Variants in LRBA observed in about 807,000 individuals in gnomAD.
The protein encoded by LRBA is LPS responsive beige-like anchor protein, also known as lipopolysaccharide-responsive and beige-like anchor protein.
Under a neutral mutation model 330.0 loss-of-function variants are expected in LRBA, and 176 were observed. The observed-to-expected ratio is 0.53, with a 90% CI of 0.47 to 0.60. LRBA has a LOEUF of 0.60. LRBA is among the 20% of genes least tolerant of loss of function. The pLI, the probability that LRBA is intolerant of heterozygous loss-of-function variation, is 0.00. For synonymous variants in LRBA, 1,230 were observed against 1,193.0 expected, an observed-to-expected ratio of 1.03 and a Z score of -0.64; for missense variants, 3,259 against 3,444.8, an observed-to-expected ratio of 0.95 and a Z score of 1.35.
intron 53 of LRBA, among the ~76,000 whole-genome samples, chr4:150,286,425 A>G (rs1480029177): frequency 6.6e-6 from 1 of 152,102 alleles, no homozygotes; most frequent in Non-Finnish European, 1.5e-5. Context: ...CTCCTTCCTC[A>G]TCCTTTGTGG....
intron 47 of LRBA, among the ~76,000 whole-genome samples, chr4:150,385,808 G>C (rs1742974721): frequency 6.6e-6 from 1 of 152,136 alleles, no homozygotes; most frequent in African/African-American, 2.4e-5. Context: ...AGAGTAAAAA[G>C]GAAGCATTAA....
At chr4:150,835,046 A>G (rs897239133) in intron 28 of LRBA, among the ~76,000 whole-genome samples, 1 of 152,166 alleles carries the variant, frequency 6.6e-6, no homozygotes, top group Non-Finnish European at 1.5e-5. Context: ...TCCCAGCACC[A>G]TTTATTAAAT....
At chr4:150,895,349 T>C (rs963182195) in intron 16 of LRBA, among the ~76,000 whole-genome samples, 1 of 152,108 alleles carries the variant, frequency 6.6e-6, no homozygotes, top group East Asian at 1.9e-4. Flanking sequence ...TTGTTACATA[T>C]GTATACATGT....
At chr4:150,326,082 C>T (rs978370275) in intron 48 of LRBA, among the ~76,000 whole-genome samples, 184 bp from the exon 49 acceptor site, 1 of 152,122 alleles carries the variant, frequency 6.6e-6, no homozygotes, top group Non-Finnish European at 1.5e-5. Context: ...CATTTAGAAC[C>T]GCAGAAGCTG....
intron 37 of LRBA, among the ~76,000 whole-genome samples, chr4:150,617,226 T>A (rs977493704): frequency 3.9e-5 from 6 of 152,212 alleles, no homozygotes; most frequent in Non-Finnish European, 8.8e-5. Context: ...ATATGAACTA[T>A]CTCAAAAAAC....
chr4:150,402,788 T>TCC (rs1745671882), intron 47 of LRBA, among the ~76,000 whole-genome samples: 2 of 142,638 alleles, frequency 1.4e-5, no homozygotes, highest in Non-Finnish European at 3.1e-5. Flanking sequence ...TCTATCTCTC[T>TCC]CTATATATAT....
At chr4:150,429,025 G>A (rs1029476321) in intron 46 of LRBA, among the ~76,000 whole-genome samples, 7 of 152,044 alleles carry the variant, frequency 4.6e-5, no homozygotes, top group Admixed American at 3.3e-4. Context: ...ATAAACCAAT[G>A]AGGAAAACAG....
intron 37 of LRBA, among the ~76,000 whole-genome samples, chr4:150,661,523 A>C (rs992229035): frequency 6.6e-6 from 1 of 152,038 alleles, no homozygotes; most frequent in Non-Finnish European, 1.5e-5. Context: ...AAATAAAAAA[A>C]ACTTTTATGT....
intron 40 of LRBA, among the ~76,000 whole-genome samples, chr4:150,576,506 C>G (rs917044892): frequency 2.5e-4 from 38 of 151,830 alleles, no homozygotes; most frequent in Admixed American, 2.0e-4. Flanking sequence ...CTAAAAGCTG[C>G]TTACTTTAAT....
chr4:150,538,291 T>C (rs936852521), intron 40 of LRBA, among the ~76,000 whole-genome samples: 1 of 152,158 alleles, frequency 6.6e-6, no homozygotes, highest in African/African-American at 2.4e-5. Context: ...GCTGGATATA[T>C]ACTCTAAAGA....
chr4:150,487,871 T>A, intron 41 of LRBA, 37 bp from the exon 42 acceptor site: 1 of 1,176,050 alleles, frequency 8.5e-7, no homozygotes, highest in Non-Finnish European at 1.2e-6. Context: ...GAACACAGTA[T>A]AACTTCCTTT....
intron 44 of LRBA, among the ~76,000 whole-genome samples, chr4:150,448,976 G>A (rs1753012376): frequency 6.6e-6 from 1 of 152,070 alleles, no homozygotes; most frequent in Non-Finnish European, 1.5e-5. Context: ...GCTCATGAGA[G>A]AGAATACGAC....
chr4:150,333,261 A>G (rs1659160299), intron 48 of LRBA, among the ~76,000 whole-genome samples: 1 of 151,746 alleles, frequency 6.6e-6, no homozygotes, highest in South Asian at 2.1e-4. Context: ...AGGGTAGGGG[A>G]GAAATAACTT....
rs183670887 is a variant in LRBA, at chr4:150,703,511, C to A, written c.5755-19794G>T. Among the ~76,000 whole-genome samples, 235 of 152,240 alleles carry A rather than the reference C, an allele frequency of 1.5e-3. 5 individuals carry two copies. The East Asian group carries it at 0.036, about 23-fold the overall frequency. On this transcript the variant is annotated intron_variant, in intron 36 of 56. Transcript: ENST00000651943. ...ATGTTGAAATTAAAATAAAACAGAA[C>A]CTTTTATAAAGAAGTCAATATGTAA...
chr4:150,480,018 C>T (rs1757123704), intron 42 of LRBA, among the ~76,000 whole-genome samples: 2 of 152,148 alleles, frequency 1.3e-5, no homozygotes, highest in Admixed American at 1.3e-4. Flanking sequence ...CAATTCAATA[C>T]CAAATTAGGT....
Position 150,852,605 on chromosome 4 carries a change from T to A in LRBA, c.3105A>T (p.Glu1035Asp). ...TCCTTGTCTCATTTGTCAGTGTTTC[T>A]TCCAAAGTGCCTTCATCTGGTAACT... is the stretch of plus-strand genomic sequence containing the variant. The part of the protein sequence containing the change: ...NQELPDEGTL[E>D]ETLTNETRNA... Residue 1035 changes from glutamate (E) to aspartate (D), a missense_variant, in exon 23 of 57, where the codon GAA (glutamate) becomes GAT (aspartate). Transcript: ENST00000651943. 6.2e-7 allele frequency: 1 copy of A among 1,614,064 alleles called. No individual in the cohort carries two copies. The highest frequency in any genetic ancestry group is 1.3e-5 in the African/African-American group (1 of 75,074).
At chr4:150,822,107 AAAAC>A (rs1745526871) in intron 30 of LRBA, among the ~76,000 whole-genome samples, 1 of 152,276 alleles carries the variant, frequency 6.6e-6, no homozygotes, top group African/African-American at 2.4e-5. Context: ...AAGAGGGTAA[AAAAC>A]AGAGCAGTTT....
At position 150,828,544 on chromosome 4, in the gene LRBA, T is replaced by A. The variant is rs1746628365; in HGVS notation, c.4807A>T (p.Arg1603Trp). The change falls in exon 30 of 57, where the codon AGG becomes TGG. Residue 1603 changes from arginine to tryptophan, a missense_variant. Physicochemically the swap from Arg to Trp is moderately radical, Grantham distance 101. Transcript: ENST00000651943. ...GTTTCTTCCCCAATGCCTGAGTCCC[T>A]CCTTCGAGCAGATGATGTGCTTTCA... Reference protein sequence around the residue: ...ESESTSSARRRDSGIGEETAT... With the variant: ...ESESTSSARRWDSGIGEETAT... The A allele has an allele frequency of 6.2e-7, 1 of 1,613,996 alleles. No homozygotes were observed. Among genetic ancestry groups the A allele is most frequent in the African/African-American group, 1.3e-5 (1 of 74,908 alleles).
intron 44 of LRBA, among the ~76,000 whole-genome samples, chr4:150,443,898 C>A (rs1752235038): frequency 8.3e-6 from 1 of 120,214 alleles, no homozygotes; most frequent in African/African-American, 2.9e-5. Context: ...TTTTTTAAAG[C>A]CACCTCCAAC....
Sources: gnomAD v4.1 joint callset for allele counts (sites outside exome capture counted in the v4.1 genomes callset) on GRCh38, gnomAD v4.1.1 for gene constraint, MANE v1.5 for transcripts, NCBI Gene and HGNC (gene_info 2026-07-23, HGNC 2026-07-21) for gene names.